The following SSBP2 variants were observed in gnomAD, a reference collection of about 807,000 sequenced individuals.
SSBP2 encodes the protein single stranded DNA binding protein 2, also known as single-stranded DNA-binding protein 2.
A neutral mutation model predicts 61.8 loss-of-function variants in SSBP2; 17 were observed. The observed-to-expected ratio is 0.28, with a 90% CI of 0.19 to 0.41. The LOEUF is 0.41. Among genes scored for constraint, SSBP2 ranks in the 10% least tolerant of loss-of-function variants. The pLI is 1.00. For missense variants in SSBP2, 310 were observed against 458.7 expected (o/e 0.68, Z 2.96); for synonymous variants, 139 against 141.3 (o/e 0.98, Z 0.12).
chr5:81,606,569 A>T (rs969727626), intron 4 of SSBP2, among the ~76,000 whole-genome samples: 2 of 152,174 alleles, frequency 1.3e-5, no homozygotes, highest in Admixed American at 6.5e-5. Context: ...TGCCCCACCC[A>T]CTTGACTCTC....
intron 4 of SSBP2, among the ~76,000 whole-genome samples, chr5:81,547,407 C>T (rs529502551): frequency 5.3e-5 from 8 of 152,186 alleles, no homozygotes; most frequent in South Asian, 4.1e-4. Context: ...ATCCAGACAA[C>T]GGAATATTAT....
At chr5:81,688,494 T>C (rs993759190) in intron 1 of SSBP2, among the ~76,000 whole-genome samples, 1 of 152,214 alleles carries the variant, frequency 6.6e-6, no homozygotes, top group Non-Finnish European at 1.5e-5. Context: ...CAGCTTCATG[T>C]CTGACCCAGT....
chr5:81,638,982 G>T (rs1581227388), intron 2 of SSBP2, among the ~76,000 whole-genome samples: 1 of 152,014 alleles, frequency 6.6e-6, no homozygotes, highest in African/African-American at 2.4e-5. Flanking sequence ...CATTTTTGAG[G>T]TTTTTCTTTT....
chr5:81,512,947 A>G (rs993723211), intron 5 of SSBP2, among the ~76,000 whole-genome samples: 1 of 152,110 alleles, frequency 6.6e-6, no homozygotes, highest in Non-Finnish European at 1.5e-5. Flanking sequence ...AATTAATTTA[A>G]AAATGAATTT....
rs527999331 is a variant in SSBP2, at chr5:81,640,688, T to C, written c.136-4070A>G. ...GTCAAAAACCTATGTCTCATCCTTC[T>C]CTCAAAAACTCTGATGTCCTGCTAA... On this transcript the variant is annotated intron_variant, in intron 2 of 16. Transcript: ENST00000320672. Among the ~76,000 whole-genome samples the C allele has an allele frequency of 9.3e-5, 14 of 150,908 alleles. No homozygotes were observed. In the East Asian group the frequency reaches 2.5e-3, roughly 27 times the overall value.
intron 1 of SSBP2, among the ~76,000 whole-genome samples, chr5:81,732,379 G>A (rs1201989104): frequency 6.6e-6 from 1 of 152,024 alleles, no homozygotes; most frequent in African/African-American, 2.4e-5. Flanking sequence ...ACATCCAATA[G>A]TAACACTAAT....
intron 4 of SSBP2, among the ~76,000 whole-genome samples, chr5:81,580,380 G>A (rs1270889609): frequency 6.6e-6 from 1 of 152,026 alleles, no homozygotes; most frequent in Admixed American, 6.6e-5. Context: ...CTTGACAGTG[G>A]AGAATCCATG....
At chr5:81,677,452 G>A (rs1361783159) in intron 1 of SSBP2, among the ~76,000 whole-genome samples, 3 of 152,038 alleles carry the variant, frequency 2.0e-5, no homozygotes, top group African/African-American at 4.8e-5. Flanking sequence ...AGGAATCAGC[G>A]CCAGGGAAGG....
At chr5:81,592,910 T>C (rs917916561) in intron 4 of SSBP2, among the ~76,000 whole-genome samples, 3 of 152,038 alleles carry the variant, frequency 2.0e-5, no homozygotes, top group African/African-American at 7.2e-5. Flanking sequence ...GCAGAAAAAC[T>C]GGAAACTCTA....
chr5:81,749,910 C>T (rs908961447), intron 1 of SSBP2, among the ~76,000 whole-genome samples: 1 of 152,204 alleles, frequency 6.6e-6, no homozygotes, highest in African/African-American at 2.4e-5. Context: ...TCCTTCCCAC[C>T]TGAACGCTTC....
At chr5:81,707,633 C>G (rs1354572224) in intron 1 of SSBP2, among the ~76,000 whole-genome samples, 4 of 152,134 alleles carry the variant, frequency 2.6e-5, no homozygotes, top group Non-Finnish European at 4.4e-5. Flanking sequence ...CTTGGTAGTA[C>G]TTTGTTACAG....
chr5:81,543,199 A>T (rs935457078), intron 4 of SSBP2, among the ~76,000 whole-genome samples: 38 of 151,954 alleles, frequency 2.5e-4, no homozygotes, highest in African/African-American at 8.7e-4. Context: ...GAAGGTGCCT[A>T]CTTCCCCTTC....
At chr5:81,607,118 G>C (rs1052913210) in intron 4 of SSBP2, among the ~76,000 whole-genome samples, 3 of 151,998 alleles carry the variant, frequency 2.0e-5, no homozygotes, top group African/African-American at 7.2e-5. Flanking sequence ...TTGGGCTTTT[G>C]TCCATAATAA....
At chr5:81,424,818 T>A (rs1761851174) in intron 16 of SSBP2, among the ~76,000 whole-genome samples, 1 of 152,214 alleles carries the variant, frequency 6.6e-6, no homozygotes, top group African/African-American at 2.4e-5. Context: ...GAGTATCATA[T>A]TTAGAGACAT....
At chr5:81,731,936 C>T (rs1756295430) in intron 1 of SSBP2, among the ~76,000 whole-genome samples, 1 of 151,868 alleles carries the variant, frequency 6.6e-6, no homozygotes. Flanking sequence ...ACTTCTGCTG[C>T]TTCATCACTG....
At chr5:81,613,222 A>C (rs1158676508) in intron 4 of SSBP2, among the ~76,000 whole-genome samples, 1 of 152,078 alleles carries the variant, frequency 6.6e-6, no homozygotes, top group East Asian at 1.9e-4. Flanking sequence ...AACATCTGAC[A>C]CAATGTGCTA....
chr5:81,728,006 G>C (rs1387458057), intron 1 of SSBP2, among the ~76,000 whole-genome samples: 1 of 152,158 alleles, frequency 6.6e-6, no homozygotes. Context: ...CTGTCCTGAG[G>C]TGTCACAGGG....
intron 4 of SSBP2, among the ~76,000 whole-genome samples, chr5:81,583,937 T>C (rs982004758): frequency 3.9e-5 from 6 of 152,202 alleles, no homozygotes; most frequent in Non-Finnish European, 5.9e-5. Context: ...AATATAACAG[T>C]GCTATTATTG....
intron 10 of SSBP2, among the ~76,000 whole-genome samples, chr5:81,460,199 C>T (rs1764441685): frequency 6.6e-6 from 1 of 152,126 alleles, no homozygotes; most frequent in Non-Finnish European, 1.5e-5. Flanking sequence ...TACCTTTGTA[C>T]ATATTAGCAA....
Sources: allele counts gnomAD v4.1 joint callset (sites outside exome capture counted in the v4.1 genomes callset), GRCh38; gene constraint gnomAD v4.1.1; transcripts MANE v1.5; gene names NCBI Gene and HGNC (gene_info 2026-07-23, HGNC 2026-07-21).